The following CDH18 variants were observed in gnomAD, a reference collection of about 807,000 sequenced individuals.
CDH18 encodes cadherin 18.
Under a neutral mutation model 67.9 loss-of-function variants are expected in CDH18, and 31 were observed. The observed-to-expected ratio is 0.46, with a 90% confidence interval of 0.34 to 0.62. The LOEUF (loss-of-function observed/expected upper bound fraction) is 0.62. Among genes scored for constraint, CDH18 ranks in the 20% least tolerant of loss-of-function variants. CDH18 has a pLI of 0.01. For synonymous variants in CDH18, 362 were observed against 347.2 expected (o/e 1.04, Z -0.48); for missense variants, 890 against 975.5 (o/e 0.91, Z 1.17).
intron 6 of CDH18, 109 bp from the exon 7 acceptor site, chr5:19,591,353 A>G: frequency 1.7e-6 from 1 of 579,708 alleles, no homozygotes; most frequent in Non-Finnish European, 2.7e-6. Flanking sequence ...TATATTAGGT[A>G]ATGCATCAAA....
chr5:19,960,613 GTATATA>G (rs769690261), intron 2 of CDH18, among the ~76,000 whole-genome samples: 5 of 131,480 alleles, frequency 3.8e-5, no homozygotes, highest in Non-Finnish European at 7.7e-5. Context: ...ACACACACGT[GTATATA>G]TATACACGTG....
chr5:20,492,379 C>T (rs1429899128), intron 1 of CDH18, among the ~76,000 whole-genome samples: 2 of 152,042 alleles, frequency 1.3e-5, no homozygotes, highest in Non-Finnish European at 2.9e-5. Context: ...GCAGTTATTT[C>T]TTTCATTTAA....
rs376279568 is a variant in CDH18 at position 20,242,596 on chromosome 5, GAAAAAAAAA to G, written c.-518+12839_-518+12847del. On this transcript the variant is annotated intron_variant, in intron 2 of 14. Transcript: ENST00000507958. ...TTCTAGGTTTTGGGTTTCATTGAGG[GAAAAAAAAA>G]AAAAAAATATATATATATATATATA... Among the ~76,000 whole-genome samples the G allele has an allele frequency of 3.0e-4, 23 of 77,752 alleles. 1 individual carries two copies. The highest frequency in any genetic ancestry group is 8.0e-4 in the African/African-American group (9 of 11,228). 51.0% of individuals were successfully genotyped at this position (77,752 alleles called of 152,430 possible). A position where few individuals can be genotyped will look rare whatever the true frequency, so the allele number is the denominator to read the frequency against.
intron 1 of CDH18, among the ~76,000 whole-genome samples, chr5:20,447,877 A>G (rs1750124248): frequency 6.6e-6 from 1 of 151,588 alleles, no homozygotes; most frequent in Non-Finnish European, 1.5e-5. Flanking sequence ...TGTCTTTGAG[A>G]TCTCTTATTT....
chr5:19,560,177 G>A (rs1031060328), intron 8 of CDH18, among the ~76,000 whole-genome samples: 1 of 151,878 alleles, frequency 6.6e-6, no homozygotes, highest in African/African-American at 2.4e-5. Context: ...AAATTCATAT[G>A]GAACCAAAAG....
At position 19,547,019 on chromosome 5, in the gene CDH18, G is replaced by T. The variant is rs141042454; in HGVS notation, c.1254-3014C>A. Reference sequence around the variant, plus strand: ...TGAGACACAAAAACCAGATGCTACAGAATAGTGGGAAATCTGTATGTCACT... The same window carrying T: ...TGAGACACAAAAACCAGATGCTACATAATAGTGGGAAATCTGTATGTCACT... On this transcript the variant is annotated intron_variant, in intron 8 of 12. Transcript: ENST00000382275. Among the ~76,000 whole-genome samples the T allele has an allele frequency of 1.4e-3, 216 of 152,212 alleles. 1 individual carries two copies. The highest frequency in any genetic ancestry group is 5.1e-3 in the African/African-American group (210 of 41,540).
chr5:20,057,428 C>T lies in CDH18; in HGVS notation c.-517-65414G>A, dbSNP rs182543856. On this transcript the variant is annotated intron_variant, in intron 2 of 14. Transcript: ENST00000507958. The stretch of plus-strand genomic sequence containing the variant: ...TTTTGTTGTACTGAAATTATTAATT[C>T]ATATGATAAATATACATCCTCTTTA... 1.7e-4 allele frequency among the ~76,000 whole-genome samples: 26 copies of T among 152,164 alleles called. No homozygotes were observed. In the East Asian group the frequency reaches 5.0e-3, roughly 29 times the overall value.
intron 3 of CDH18, among the ~76,000 whole-genome samples, chr5:19,757,648 A>T (rs964173362): frequency 6.6e-6 from 1 of 152,102 alleles, no homozygotes; most frequent in Admixed American, 6.6e-5. Flanking sequence ...ATGGAGTACA[A>T]ATGTCTTCAG....
chr5:19,769,751 A>G (rs1773516708), intron 3 of CDH18, among the ~76,000 whole-genome samples: 1 of 152,090 alleles, frequency 6.6e-6, no homozygotes, highest in Non-Finnish European at 1.5e-5. Context: ...GATAAATTAT[A>G]TACATTAAAA....
intron 1 of CDH18, among the ~76,000 whole-genome samples, chr5:20,458,186 T>C (rs540892277): frequency 2.0e-5 from 3 of 152,306 alleles, no homozygotes; most frequent in African/African-American, 4.8e-5. Flanking sequence ...GCCACAGTCA[T>C]AGCTCACTGC....
chr5:19,538,428 C>T (rs994152369), intron 9 of CDH18, among the ~76,000 whole-genome samples: 1 of 152,074 alleles, frequency 6.6e-6, no homozygotes, highest in Non-Finnish European at 1.5e-5. Context: ...GTACTTTTTC[C>T]CAAAAACTGT....
chr5:19,666,980 T>TG (rs1454747522), intron 5 of CDH18, among the ~76,000 whole-genome samples: 1 of 152,136 alleles, frequency 6.6e-6, no homozygotes, highest in East Asian at 1.9e-4. Flanking sequence ...CTTTAAATTA[T>TG]GGTGAGAATT....
intron 1 of CDH18, among the ~76,000 whole-genome samples, chr5:20,504,914 C>G (rs1371831333): frequency 2.0e-5 from 3 of 151,602 alleles, no homozygotes; most frequent in African/African-American, 7.3e-5. Context: ...ACTACAGGCA[C>G]CCGCCACCAC....
chr5:20,161,674 G>A (rs190971149), intron 2 of CDH18, among the ~76,000 whole-genome samples: 2 of 152,176 alleles, frequency 1.3e-5, no homozygotes, highest in Admixed American at 1.3e-4. Context: ...TTGATATTCT[G>A]TTGTTCTACT....
chr5:20,357,790 A>G (rs528508278), intron 1 of CDH18, among the ~76,000 whole-genome samples: 1 of 152,320 alleles, frequency 6.6e-6, no homozygotes, highest in East Asian at 1.9e-4. Context: ...CAATCCCATT[A>G]TTGGGTATAT....
chr5:19,892,624 A>G (rs756330233), intron 2 of CDH18, among the ~76,000 whole-genome samples: 3 of 152,102 alleles, frequency 2.0e-5, no homozygotes, highest in Non-Finnish European at 4.4e-5. Flanking sequence ...GAAATCATGG[A>G]GTGTGACTTC....
intron 2 of CDH18, among the ~76,000 whole-genome samples, chr5:20,222,987 TATAA>T (rs1377131233): frequency 2.0e-5 from 3 of 152,116 alleles, no homozygotes; most frequent in African/African-American, 4.8e-5. Context: ...ATTTTTATTA[TATAA>T]ATAATTATTT....
At chr5:20,058,847 T>C (rs1389842236) in intron 2 of CDH18, among the ~76,000 whole-genome samples, 1 of 152,288 alleles carries the variant, frequency 6.6e-6, no homozygotes, top group African/African-American at 2.4e-5. Flanking sequence ...TAGATGACAG[T>C]TGCAGTTCTA....
chr5:20,055,622 A>G (rs899396167), intron 2 of CDH18, among the ~76,000 whole-genome samples: 10 of 152,344 alleles, frequency 6.6e-5, no homozygotes, highest in East Asian at 3.9e-4. Flanking sequence ...CTAACCCAAC[A>G]ACTGGCTTTC....
Sources: gnomAD v4.1 joint callset for allele counts (sites outside exome capture counted in the v4.1 genomes callset) on GRCh38, gnomAD v4.1.1 for gene constraint, MANE v1.5 for transcripts, NCBI Gene and HGNC (gene_info 2026-07-23, HGNC 2026-07-21) for gene names.